CDH1: variants seen among roughly 807,000 people sequenced by gnomAD.
CDH1 encodes cadherin 1.
A neutral mutation model predicts 84.5 loss-of-function variants in CDH1; 35 were observed. That is an observed-to-expected ratio of 0.41 (90% CI 0.32 to 0.55). The LOEUF is 0.55. CDH1 is among the 20% of genes least tolerant of loss of function. The pLI is 0.19. For missense variants in CDH1, 994 were observed against 1,126.6 expected, an observed-to-expected ratio of 0.88 and a Z score of 1.68; for synonymous variants, 417 against 439.0, an observed-to-expected ratio of 0.95 and a Z score of 0.63.
intron 13 of CDH1, among the ~76,000 whole-genome samples, chr16:68,824,509 A>G (rs1961267538): frequency 6.6e-6 from 1 of 152,126 alleles, no homozygotes; most frequent in Non-Finnish European, 1.5e-5. Context: ...TATCACCTCC[A>G]CTTATATACC....
intron 14 of CDH1, among the ~76,000 whole-genome samples, chr16:68,828,744 A>C (rs3785078): frequency 0.1 from 15,388 of 152,246 alleles, 924 homozygotes; most frequent in Non-Finnish European, 0.13. Flanking sequence ...TTATACCTTC[A>C]GTCCCTCTGT....
At position 68,811,684 on chromosome 16, in the gene CDH1, G is replaced by C. The variant is rs1555515597; in HGVS notation, c.833G>C (p.Gly278Ala). 6.2e-7 allele frequency: 1 copy of C among 1,613,858 alleles called. No individual in the cohort carries two copies. The highest frequency in any genetic ancestry group is 8.5e-7 in the Non-Finnish European group (1 of 1,179,978). Residue 278 changes from glycine (G) to alanine (A), a missense_variant and splice_region_variant, in exon 7 of 16, where the codon GGA (glycine) becomes GCA (alanine). Gly to Ala is a moderately conservative substitution (Grantham distance 60, BLOSUM62 0). This residue lies in a region of CDH1 where 769 missense variants were observed against 881.8 expected (regional missense o/e 0.87). Coordinates refer to ENST00000261769, the MANE Select transcript of CDH1 (RefSeq NM_004360.5). Reference protein sequence around the residue: ...KGSVMEGALPGTSVMEVTATD... With the variant: ...KGSVMEGALPATSVMEVTATD... ...CCTTCATCTCCTTGAACTCTTCCAG[G>C]AACCTCTGTGATGGAGGTCACAGCC...
intron 2 of CDH1, among the ~76,000 whole-genome samples, chr16:68,740,415 G>A (rs1962532252): frequency 6.6e-6 from 1 of 152,086 alleles, no homozygotes; most frequent in African/African-American, 2.4e-5. Flanking sequence ...CTGGGCTCAA[G>A]TGATTCACCC....
At chr16:68,740,405 C>T (rs1962531888) in intron 2 of CDH1, among the ~76,000 whole-genome samples, 1 of 152,084 alleles carries the variant, frequency 6.6e-6, no homozygotes, top group Non-Finnish European at 1.5e-5. Flanking sequence ...TCTCTAACTC[C>T]TGGGCTCAAG....
At chr16:68,785,957 C>G (rs1451865327) in intron 2 of CDH1, among the ~76,000 whole-genome samples, 1 of 152,166 alleles carries the variant, frequency 6.6e-6, no homozygotes, top group African/African-American at 2.4e-5. Context: ...GCCCATGGAG[C>G]ATTTCTGCAA....
intron 2 of CDH1, among the ~76,000 whole-genome samples, chr16:68,745,123 G>A (rs939472228): frequency 6.6e-6 from 1 of 151,506 alleles, no homozygotes; most frequent in African/African-American, 2.4e-5. Context: ...GTGGGGCAAG[G>A]CGCAGCTAGG....
In CDH1 at chr16:68,824,141, G is replaced by C. The variant is rs1961257317; in HGVS notation, c.2164+515G>C. Reference sequence around the variant, plus strand: ...GCCTCCTGAGTAGCTGGGACTATGGGCATGTGCCACCACGCCCAGCTAATT... The same window carrying C: ...GCCTCCTGAGTAGCTGGGACTATGGCCATGTGCCACCACGCCCAGCTAATT... On this transcript the variant is annotated intron_variant, in intron 13 of 15. Transcript: ENST00000261769. Among the ~76,000 whole-genome samples the C allele has an allele frequency of 2.6e-5, 4 of 152,074 alleles. 1 individual carries two copies. In the Middle Eastern group the frequency reaches 0.01, roughly 391 times the overall value.
rs1441260243 is a variant in CDH1 at position 68,789,834 on chromosome 16, C to T, written c.164-11836C>T. ...CAGCACTTTGGGAGGCTGAGGCGGG[C>T]GGATCACATGATGTTGGGAGTTCGA... On this transcript the variant is annotated intron_variant, in intron 2 of 15. Coordinates refer to ENST00000261769, the MANE Select transcript of CDH1 (RefSeq NM_004360.5). 2.6e-5 allele frequency among the ~76,000 whole-genome samples: 4 copies of T among 151,926 alleles called. No homozygotes were observed. In the East Asian group the frequency reaches 5.8e-4, roughly 22 times the overall value.
intron 2 of CDH1, among the ~76,000 whole-genome samples, chr16:68,758,207 CTTT>C (rs57413297): frequency 5.3e-3 from 211 of 39,972 alleles, no homozygotes; most frequent in African/African-American, 0.021. Flanking sequence ...CTTTTTATTT[CTTT>C]TTTTTTTTTT....
intron 13 of CDH1, 144 bp from the exon 14 acceptor site, chr16:68,828,030 T>G: frequency 1.2e-6 from 1 of 844,482 alleles, no homozygotes; most frequent in South Asian, 1.3e-5. Flanking sequence ...TCACGTGGAT[T>G]GACATCTTCA....
chr16:68,818,223 G>A (rs1290633026), intron 10 of CDH1, among the ~76,000 whole-genome samples: 2 of 116,466 alleles, frequency 1.7e-5, no homozygotes, highest in African/African-American at 7.4e-5. Context: ...CTGGGCGACA[G>A]AACGAGACTC....
chr16:68,783,378 C>G (rs1597871846), intron 2 of CDH1, among the ~76,000 whole-genome samples: 1 of 118,122 alleles, frequency 8.5e-6, no homozygotes, highest in African/African-American at 3.3e-5. Context: ...GCCTAGGTGA[C>G]AGAGTATCTC....
intron 9 of CDH1, among the ~76,000 whole-genome samples, chr16:68,813,962 C>T (rs1462774107): frequency 1.4e-5 from 2 of 142,752 alleles, no homozygotes; most frequent in African/African-American, 2.6e-5. Context: ...GGAGGCCGGG[C>T]GTGGTGGCTC....
intron 2 of CDH1, among the ~76,000 whole-genome samples, chr16:68,770,536 G>A (rs1297057193): frequency 6.6e-6 from 1 of 152,014 alleles, no homozygotes; most frequent in East Asian, 1.9e-4. Flanking sequence ...AGGGAACGTG[G>A]CAATAAATAA....
chr16:68,756,272 G>A (rs182146962), intron 2 of CDH1, among the ~76,000 whole-genome samples: 2 of 152,148 alleles, frequency 1.3e-5, no homozygotes, highest in Admixed American at 1.3e-4. Flanking sequence ...AAGGGAACAA[G>A]ATGACCAACT....
intron 2 of CDH1, chr16:68,763,500 A>G (rs1260725465): frequency 6.6e-6 from 1 of 152,298 alleles, no homozygotes; most frequent in East Asian, 1.9e-4. Flanking sequence ...GGCTTGGCAG[A>G]GGCAACTGCT....
chr16:68,834,031 A>C lies in CDH1; in HGVS notation c.*532A>C. On this transcript the variant is annotated 3_prime_UTR_variant, in exon 16 of 16. Coordinates refer to ENST00000261769, the MANE Select transcript of CDH1 (RefSeq NM_004360.5). ...GAGTGCAGTGGTGCAATCACAGCTC[A>C]CTGCAGCCTTGTCCTCCCAGGCTCA... 1 of 356,492 alleles carries C rather than the reference A, an allele frequency of 2.8e-6. No homozygotes were observed. The allele number at this position is 356,492 out of a possible 1,614,324, so 22.1% of individuals were successfully genotyped here.
At chr16:68,781,977 G>A (rs193002447) in intron 2 of CDH1, among the ~76,000 whole-genome samples, 2 of 152,300 alleles carry the variant, frequency 1.3e-5, no homozygotes, top group Admixed American at 1.3e-4. Context: ...AAACAAAACC[G>A]CAGCCCAGGA....
At position 68,815,698 on chromosome 16, in the gene CDH1, G is replaced by C. The variant is rs2152135049; in HGVS notation, c.1504G>C (p.Gly502Arg). Residue 502 changes from glycine (G) to arginine (R), a missense_variant, in exon 10 of 16, where the codon GGC becomes CGC. Gly to Arg is a moderately radical substitution (Grantham distance 125, BLOSUM62 -2). Coordinates refer to ENST00000261769, the MANE Select transcript of CDH1 (RefSeq NM_004360.5). ...RVEVSEDFGV[G>R]QEITSYTAQE... The stretch of plus-strand genomic sequence containing the variant: ...GGAAGTGTCCGAGGACTTTGGCGTG[G>C]GCCAGGAAATCACATCCTACACTGC... 2 of 1,614,154 alleles carry C rather than the reference G, an allele frequency of 1.2e-6. No individual in the cohort carries two copies. Among genetic ancestry groups the C allele is most frequent in the Non-Finnish European group, 1.7e-6 (2 of 1,180,028 alleles).
Sources: allele counts gnomAD v4.1 joint callset (sites outside exome capture counted in the v4.1 genomes callset), GRCh38; gene constraint gnomAD v4.1.1; regional missense constraint gnomAD v4.1.1; transcripts MANE v1.5; gene names NCBI Gene and HGNC (gene_info 2026-07-23, HGNC 2026-07-21).